The following FAM210A variants were observed in gnomAD, a reference collection of about 807,000 sequenced individuals.
FAM210A encodes the protein family with sequence similarity 210 member A.
Under a neutral mutation model 25.3 loss-of-function variants are expected in FAM210A, and 13 were observed. The ratio of observed to expected loss-of-function variants is 0.51; its 90% CI spans 0.33 to 0.82. The LOEUF (loss-of-function observed/expected upper bound fraction) is 0.82. Ranked by LOEUF, FAM210A falls within the 40% of genes least tolerant of loss-of-function variation. FAM210A has a pLI of 0.02. For synonymous variants in FAM210A, 125 were observed against 118.7 expected (o/e 1.05, Z -0.35); for missense variants, 319 against 323.2 (o/e 0.99, Z 0.10).
intron 1 of FAM210A, among the ~76,000 whole-genome samples, 169 bp downstream of exon 1, chr18:13,726,160 G>A (rs1471564912): frequency 3.9e-5 from 6 of 152,118 alleles, no homozygotes; most frequent in Admixed American, 2.6e-4. Context: ...TGGGGTCGGC[G>A]AGTGTGGACG....
chr18:13,689,556 G>T (rs1010283708), intron 1 of FAM210A, among the ~76,000 whole-genome samples: 1 of 152,084 alleles, frequency 6.6e-6, no homozygotes, highest in African/African-American at 2.4e-5. Flanking sequence ...ATACTTAATG[G>T]TGGGAGGCTG....
intron 2 of FAM210A, among the ~76,000 whole-genome samples, chr18:13,679,907 T>C (rs528018731): frequency 2.6e-5 from 4 of 152,316 alleles, no homozygotes; most frequent in African/African-American, 4.8e-5. Context: ...GGTCTACTTT[T>C]TCAGTTACAG....
chr18:13,721,494 G>A lies in FAM210A; in HGVS notation c.-29+4835C>T, dbSNP rs149420920. On this transcript the variant is annotated intron_variant, in intron 1 of 3. Coordinates refer to ENST00000651643, the MANE Select transcript of FAM210A (RefSeq NM_152352.4). The stretch of plus-strand genomic sequence containing the variant: ...AATCATCACCCCTGCATCCTTAAGT[G>A]CACTCATCTCTGCAATTCCTCCTGG... Among the ~76,000 whole-genome samples, 341 of 152,212 alleles carry A rather than the reference G, an allele frequency of 2.2e-3. 4 individuals are homozygous for A. Among genetic ancestry groups the A allele is most frequent in the African/African-American group, 8.0e-3 (331 of 41,514 alleles).
intron 1 of FAM210A, among the ~76,000 whole-genome samples, chr18:13,701,692 C>T (rs983182316): frequency 1.3e-5 from 2 of 152,206 alleles, no homozygotes; most frequent in Non-Finnish European, 2.9e-5. Flanking sequence ...CTAAAGCTAA[C>T]TTACAGTAGA....
At chr18:13,717,558 GA>G (rs11359236) in intron 1 of FAM210A, among the ~76,000 whole-genome samples, 16,078 of 152,146 alleles carry the variant, frequency 0.11, 925 homozygotes, top group South Asian at 0.14. Context: ...GACAGACTGT[GA>G]AAAGAAAGGA....
chr18:13,682,993 G>A (rs1408555077), intron 1 of FAM210A, among the ~76,000 whole-genome samples: 7 of 152,224 alleles, frequency 4.6e-5, no homozygotes, highest in African/African-American at 1.7e-4. Flanking sequence ...AAGCAGTGTA[G>A]TATAGTGGGG....
chr18:13,682,216 T>C, intron 1 of FAM210A, 111 bp from the exon 2 acceptor site: 1 of 714,390 alleles, frequency 1.4e-6, no homozygotes. Context: ...CAGACACTGC[T>C]ACATAATCCA....
At chr18:13,681,483 A>C in intron 2 of FAM210A, 122 bp downstream of exon 2, 1 of 793,220 alleles carries the variant, frequency 1.3e-6, no homozygotes, top group East Asian at 2.8e-5. Flanking sequence ...GTGAAAAAAC[A>C]GTTATCCTCT....
At chr18:13,705,625 C>T (rs932923087) in intron 1 of FAM210A, among the ~76,000 whole-genome samples, 21 of 152,208 alleles carry the variant, frequency 1.4e-4, no homozygotes, top group African/African-American at 5.1e-4. Context: ...GCGTGTGCCA[C>T]CATGCCCAGC....
chr18:13,710,703 C>G (rs2043814361), intron 1 of FAM210A, among the ~76,000 whole-genome samples: 1 of 152,160 alleles, frequency 6.6e-6, no homozygotes, highest in African/African-American at 2.4e-5. Context: ...CATCCAGAGA[C>G]AGGCTGGGCA....
chr18:13,725,919 CA>C (rs2043941078), intron 1 of FAM210A, among the ~76,000 whole-genome samples: 1 of 152,188 alleles, frequency 6.6e-6, no homozygotes, highest in African/African-American at 2.4e-5. Context: ...GCTTCCCAAA[CA>C]CGGCGGTAAG....
At chr18:13,713,027 G>A (rs182998752) in intron 1 of FAM210A, among the ~76,000 whole-genome samples, 9 of 152,258 alleles carry the variant, frequency 5.9e-5, no homozygotes, top group African/African-American at 1.2e-4. Context: ...TACAAACCCC[G>A]GAGATGTTAA....
chr18:13,699,327 T>G (rs1285026245), intron 1 of FAM210A, among the ~76,000 whole-genome samples: 1 of 152,212 alleles, frequency 6.6e-6, no homozygotes, highest in Non-Finnish European at 1.5e-5. Context: ...TTGAACCACA[T>G]AAACAAGCTG....
chr18:13,679,763 CAA>C (rs1400617953), intron 2 of FAM210A, among the ~76,000 whole-genome samples: 2 of 151,694 alleles, frequency 1.3e-5, no homozygotes, highest in Admixed American at 6.6e-5. Context: ...AAGCATTCTG[CAA>C]AAAAGAGGGA....
At chr18:13,667,643 C>T (rs1307053701) in intron 3 of FAM210A, among the ~76,000 whole-genome samples, 4 of 152,096 alleles carry the variant, frequency 2.6e-5, no homozygotes, top group Non-Finnish European at 5.9e-5. Flanking sequence ...CGCTTGAACC[C>T]GGTGGCAGAG....
At chr18:13,699,978 A>G (rs2043725958) in intron 1 of FAM210A, among the ~76,000 whole-genome samples, 1 of 152,206 alleles carries the variant, frequency 6.6e-6, no homozygotes. Context: ...CTCAATGTAG[A>G]ATACTTCTAC....
rs746722546 is a variant in FAM210A at position 13,724,956 on chromosome 18, TA to T, written c.-29+1372del. Among the ~76,000 whole-genome samples, 240 of 152,282 alleles carry T rather than the reference TA, an allele frequency of 1.6e-3. 1 individual carries two copies. Among genetic ancestry groups the T allele is most frequent in the Non-Finnish European group, 2.9e-3 (194 of 68,020 alleles). ...GCCTGGCTAATTTTTGTATTTTTAG[TA>T]GAGACGGGGTTTCACCATGTTGGCC... On this transcript the variant is annotated intron_variant, in intron 1 of 3. Coordinates refer to ENST00000651643, the MANE Select transcript of FAM210A (RefSeq NM_152352.4).
intron 1 of FAM210A, among the ~76,000 whole-genome samples, chr18:13,685,968 C>A (rs2043593837): frequency 6.6e-6 from 1 of 152,002 alleles, no homozygotes; most frequent in African/African-American, 2.4e-5. Context: ...AAAATCAGAG[C>A]AGAAAGCAAC....
chr18:13,680,372 C>A (rs540665070), intron 2 of FAM210A, among the ~76,000 whole-genome samples: 1 of 151,978 alleles, frequency 6.6e-6, no homozygotes, highest in Admixed American at 6.5e-5. Context: ...AGGAAAGATA[C>A]AATTCTTAAA....
Sources: gnomAD v4.1 joint callset for allele counts (sites outside exome capture counted in the v4.1 genomes callset) on GRCh38, gnomAD v4.1.1 for gene constraint, MANE v1.5 for transcripts, NCBI Gene and HGNC (gene_info 2026-07-23, HGNC 2026-07-21) for gene names.